Variants in RBFOX1 observed in about 807,000 individuals in gnomAD.
RBFOX1 encodes RNA binding fox-1 homolog 1, also known as RNA binding protein fox-1 homolog 1.
In RBFOX1, 8 loss-of-function variants were observed where a neutral mutation model predicts 57.7. The ratio of observed to expected loss-of-function variants is 0.14; its 90% CI spans 0.08 to 0.25. The LOEUF (loss-of-function observed/expected upper bound fraction) is 0.25, where lower values mean the gene tolerates loss of function less well. Among genes scored for constraint, RBFOX1 ranks in the 10% least tolerant of loss-of-function variants. The pLI is 1.00. For synonymous variants in RBFOX1, 326 were observed against 222.4 expected (o/e 1.47, Z -4.15); for missense variants, 611 against 548.5 (o/e 1.11, Z -1.14).
At position 6,401,732 on chromosome 16, in the gene RBFOX1, A is replaced by C. The variant is rs150913547; in HGVS notation, c.-64+84675A>C. Among the ~76,000 whole-genome samples, 601 of 152,302 alleles carry C rather than the reference A, an allele frequency of 3.9e-3. 4 individuals are homozygous for C. Among genetic ancestry groups the C allele is most frequent in the African/African-American group, 0.014 (564 of 41,558 alleles). ...CGCAGAGAACGAAGGAAGAAATCAAAGTTTAAAGATAAGTTTACTGTTCAT... is the reference window on the plus strand; with the variant it reads ...CGCAGAGAACGAAGGAAGAAATCAACGTTTAAAGATAAGTTTACTGTTCAT... On this transcript the variant is annotated intron_variant, in intron 2 of 15. Transcript: ENST00000550418.
intron 3 of RBFOX1, among the ~76,000 whole-genome samples, chr16:6,662,102 A>G (rs1381250008): frequency 6.9e-6 from 1 of 145,894 alleles, no homozygotes; most frequent in East Asian, 2.1e-4. Flanking sequence ...AGAAGCAGAG[A>G]GTAGGATGGT....
chr16:7,158,549 A>G (rs764874075), intron 4 of RBFOX1, among the ~76,000 whole-genome samples: 3 of 151,840 alleles, frequency 2.0e-5, no homozygotes, highest in Admixed American at 2.0e-4. Context: ...TACTGTGTGT[A>G]TCTATGTCTG....
intron 3 of RBFOX1, among the ~76,000 whole-genome samples, chr16:5,822,153 G>A (rs1362611007): frequency 6.6e-6 from 1 of 152,204 alleles, no homozygotes; most frequent in Non-Finnish European, 1.5e-5. Flanking sequence ...TGAAATTAGA[G>A]ACTATTATTC....
chr16:5,765,801 A>T (rs990666302), intron 3 of RBFOX1, among the ~76,000 whole-genome samples: 1 of 152,210 alleles, frequency 6.6e-6, no homozygotes, highest in East Asian at 1.9e-4. Flanking sequence ...CAAGTACAGG[A>T]TGCTCATCCC....
intron 3 of RBFOX1, among the ~76,000 whole-genome samples, chr16:5,677,613 C>T (rs2050206705): frequency 6.6e-6 from 1 of 152,176 alleles, no homozygotes; most frequent in South Asian, 2.1e-4. Context: ...TCTATGGATA[C>T]AGCAGAGAAT....
At position 6,711,335 on chromosome 16, in the gene RBFOX1, C is replaced by G. The variant is rs551655729; in HGVS notation, c.-16+56685C>G. On this transcript the variant is annotated intron_variant, in intron 3 of 15. Transcript: ENST00000550418. ...AAGAAAAAGTCCTTGAAATTTTTCA[C>G]AAGGTCCCCACATTCTGGTCCCTAC... Among the ~76,000 whole-genome samples the G allele has an allele frequency of 2.6e-5, 4 of 152,276 alleles. No homozygotes were observed. In the South Asian group the frequency reaches 8.3e-4, roughly 32 times the overall value.
chr16:5,456,932 T>A (rs997923895), intron 1 of RBFOX1, among the ~76,000 whole-genome samples: 3 of 152,212 alleles, frequency 2.0e-5, no homozygotes, highest in African/African-American at 7.2e-5. Context: ...TCTAGGCCTT[T>A]ATCTTAGTCC....
chr16:6,021,457 T>G (rs985500548), intron 1 of RBFOX1, among the ~76,000 whole-genome samples: 1 of 152,192 alleles, frequency 6.6e-6, no homozygotes, highest in Non-Finnish European at 1.5e-5. Flanking sequence ...AGATCTTTTA[T>G]GTTCAGAAGC....
Position 6,450,778 on chromosome 16 carries a change from T to TACATATAC in RBFOX1, c.-64+133722_-64+133723insCATATACA, listed in dbSNP as rs1437960418. ...ACATATATATATGTGTATATATATA[T>TACATATAC]ATATATATATACATATATATATGTA... On this transcript the variant is annotated intron_variant, in intron 2 of 15. Coordinates refer to ENST00000550418, the MANE Select transcript of RBFOX1 (RefSeq NM_018723.4). Among the ~76,000 whole-genome samples, 8 of 52,334 alleles carry TACATATAC rather than the reference T, an allele frequency of 1.5e-4. 1 individual carries two copies. In the East Asian group the frequency reaches 2.2e-3, roughly 14 times the overall value. The allele number at this position is 52,334 out of a possible 152,430, so 34.3% of individuals were successfully genotyped here.
At chr16:5,940,663 C>T (rs1374458587) in intron 4 of RBFOX1, among the ~76,000 whole-genome samples, 1 of 152,202 alleles carries the variant, frequency 6.6e-6, no homozygotes, top group African/African-American at 2.4e-5. Context: ...AGTGGGAGCA[C>T]CCGTGGTAAA....
intron 1 of RBFOX1, among the ~76,000 whole-genome samples, chr16:5,268,524 T>C (rs1016974198): frequency 6.6e-6 from 1 of 152,250 alleles, no homozygotes; most frequent in Non-Finnish European, 1.5e-5. Flanking sequence ...TCAGTCTTAC[T>C]GTGGCTCACC....
intron 2 of RBFOX1, among the ~76,000 whole-genome samples, chr16:6,518,935 C>T (rs1169934296): frequency 2.0e-5 from 3 of 152,044 alleles, no homozygotes; most frequent in Non-Finnish European, 4.4e-5. Context: ...TTCAGCCACA[C>T]ACTTCTTTTC....
intron 3 of RBFOX1, among the ~76,000 whole-genome samples, chr16:6,780,584 T>C (rs1295905412): frequency 2.8e-5 from 4 of 140,500 alleles, no homozygotes; most frequent in African/African-American, 7.9e-5. Flanking sequence ...ATATATATAT[T>C]TATATATATA....
chr16:5,296,591 G>A (rs957402000), intron 1 of RBFOX1, among the ~76,000 whole-genome samples: 8 of 150,816 alleles, frequency 5.3e-5, no homozygotes, highest in African/African-American at 1.9e-4. Flanking sequence ...TAACAATAGA[G>A]CTCTTGAACA....
At chr16:6,142,189 C>A (rs943225282) in intron 1 of RBFOX1, among the ~76,000 whole-genome samples, 496 of 48,926 alleles carry the variant, frequency 0.01, 2 homozygotes, top group Middle Eastern at 0.083. Context: ...GCTGCTGCTG[C>A]AAAAAAAAAA....
chr16:7,179,959 T>A (rs1474769140), intron 4 of RBFOX1, among the ~76,000 whole-genome samples: 1 of 151,966 alleles, frequency 6.6e-6, no homozygotes, highest in Non-Finnish European at 1.5e-5. Context: ...GCCAGGCAGA[T>A]CTAGAACTCC....
intron 1 of RBFOX1, among the ~76,000 whole-genome samples, chr16:5,452,883 C>T (rs377365909): frequency 3.9e-5 from 6 of 152,070 alleles, no homozygotes; most frequent in South Asian, 2.1e-4. Context: ...TCCACCTGCT[C>T]GGCTTCCCAA....
intron 1 of RBFOX1, among the ~76,000 whole-genome samples, chr16:6,276,217 A>G (rs1476295074): frequency 6.6e-6 from 1 of 152,256 alleles, no homozygotes. Context: ...TACAGTCGTC[A>G]GAACTGTGGC....
At chr16:7,080,054 ACATAT>A (rs1213359564) in intron 4 of RBFOX1, among the ~76,000 whole-genome samples, 18 of 140,956 alleles carry the variant, frequency 1.3e-4, no homozygotes, top group African/African-American at 4.3e-4. Flanking sequence ...ATATATATAT[ACATAT>A]TATATATATA....
Sources: allele counts gnomAD v4.1 joint callset (sites outside exome capture counted in the v4.1 genomes callset), GRCh38; gene constraint gnomAD v4.1.1; transcripts MANE v1.5; gene names NCBI Gene and HGNC (gene_info 2026-07-23, HGNC 2026-07-21).